Variants in AFAP1 observed in about 807,000 individuals in gnomAD.
AFAP1 encodes the protein actin filament-associated protein 1.
Under a neutral mutation model 93.9 loss-of-function variants are expected in AFAP1, and 75 were observed. The ratio of observed to expected loss-of-function variants is 0.80; its 90% CI spans 0.66 to 0.97. AFAP1 has a LOEUF of 0.97. AFAP1 is among the 50% of genes least tolerant of loss of function. AFAP1 has a pLI of 0.00. For synonymous variants in AFAP1, 517 were observed against 430.7 expected (o/e 1.20, Z -2.48); for missense variants, 1,201 against 1,050.8 (o/e 1.14, Z -1.98).
chr4:7,918,654 G>T (rs1720238879), intron 1 of AFAP1, among the ~76,000 whole-genome samples: 1 of 138,416 alleles, frequency 7.2e-6, no homozygotes. Flanking sequence ...GAGACACTCG[G>T]CCCAGGTCAC....
chr4:7,868,750 G>A, intron 2 of AFAP1, 31 bp from the exon 3 acceptor site: 1 of 1,596,186 alleles, frequency 6.3e-7, no homozygotes, highest in Non-Finnish European at 8.6e-7. Context: ...CACAGAACTG[G>A]ATGAGGATGG....
At chr4:7,852,363 C>A (rs1411778335) in intron 4 of AFAP1, among the ~76,000 whole-genome samples, 1 of 152,172 alleles carries the variant, frequency 6.6e-6, no homozygotes, top group African/African-American at 2.4e-5. Context: ...GCAGAAGCTG[C>A]CACCTGGCCA....
intron 1 of AFAP1, among the ~76,000 whole-genome samples, chr4:7,938,840 G>A (rs1161970299): frequency 2.0e-5 from 3 of 152,108 alleles, no homozygotes; most frequent in Non-Finnish European, 4.4e-5. Flanking sequence ...CAGGAAGCGC[G>A]GCGGTGGGAC....
intron 7 of AFAP1, 28 bp from the exon 8 acceptor site, chr4:7,816,127 CT>C: frequency 6.3e-7 from 1 of 1,583,504 alleles, no homozygotes; most frequent in Non-Finnish European, 8.6e-7. Context: ...TTAAGTTATT[CT>C]TACAGTGGTC....
chr4:7,783,097 T>G (rs1007091330), intron 12 of AFAP1, among the ~76,000 whole-genome samples: 1 of 152,164 alleles, frequency 6.6e-6, no homozygotes, highest in East Asian at 1.9e-4. Context: ...TAAACATTAC[T>G]AAAGCTGAAA....
chr4:7,848,965 G>C (rs1357885524), intron 4 of AFAP1, among the ~76,000 whole-genome samples: 3 of 152,204 alleles, frequency 2.0e-5, no homozygotes, highest in African/African-American at 7.2e-5. Context: ...AGGCACATCA[G>C]AGCCAGCAAC....
rs201350064 is a variant in AFAP1, at chr4:7,772,802, A to G, written c.2253+18T>C. 4 of 1,609,546 alleles carry G rather than the reference A, an allele frequency of 2.5e-6. No individual in the cohort carries two copies. Among genetic ancestry groups the G allele is most frequent in the Non-Finnish European group, 3.4e-6 (4 of 1,177,144 alleles). On this transcript the variant is annotated intron_variant, in intron 16 of 17. Transcript: ENST00000420658. The stretch of plus-strand genomic sequence containing the variant: ...CAAGGCCGCGCCAGCCTCCGAGGTG[A>G]GCCAGAAGGACACACACCTGTGGAC...
intron 1 of AFAP1, among the ~76,000 whole-genome samples, chr4:7,884,330 C>T (rs1718023424): frequency 1.3e-5 from 2 of 152,228 alleles, no homozygotes; most frequent in African/African-American, 4.8e-5. Flanking sequence ...ATAGGCCTAA[C>T]CCGTATATCA....
intron 13 of AFAP1, chr4:7,779,092 C>A: frequency 1.8e-6 from 1 of 558,620 alleles, no homozygotes; most frequent in South Asian, 2.1e-5. Flanking sequence ...GGCAGAGGCT[C>A]TGTAGGATGT....
chr4:7,805,646 C>T (rs568950910), intron 9 of AFAP1, among the ~76,000 whole-genome samples: 4 of 152,250 alleles, frequency 2.6e-5, no homozygotes, highest in Non-Finnish European at 5.9e-5. Context: ...AGCCTGACAT[C>T]CAGAGGTGAA....
intron 1 of AFAP1, among the ~76,000 whole-genome samples, chr4:7,896,114 G>A (rs1718748957): frequency 6.6e-6 from 1 of 152,014 alleles, no homozygotes; most frequent in Non-Finnish European, 1.5e-5. Context: ...GCCCGCCTCG[G>A]CCTCCCAAAC....
chr4:7,895,852 G>T (rs914727105), intron 1 of AFAP1, among the ~76,000 whole-genome samples: 11 of 110,612 alleles, frequency 9.9e-5, no homozygotes, highest in Admixed American at 2.1e-4. Context: ...TCTTCAGAAA[G>T]TTTTTTTTTT....
At chr4:7,839,586 A>G (rs1560191151) in intron 5 of AFAP1, among the ~76,000 whole-genome samples, 1 of 152,172 alleles carries the variant, frequency 6.6e-6, no homozygotes, top group Non-Finnish European at 1.5e-5. Flanking sequence ...GACACAAATT[A>G]TTTTAGTAAG....
intron 12 of AFAP1, among the ~76,000 whole-genome samples, chr4:7,785,479 T>C (rs2148993178): frequency 6.6e-6 from 1 of 152,346 alleles, no homozygotes; most frequent in African/African-American, 2.4e-5. Context: ...TATGTCATCA[T>C]TTCCTTCCTG....
intron 1 of AFAP1, among the ~76,000 whole-genome samples, chr4:7,875,506 C>A (rs922069417): frequency 5.3e-5 from 8 of 152,038 alleles, no homozygotes; most frequent in Admixed American, 2.0e-4. Context: ...GTAATCCCAG[C>A]ACTTTGAGAG....
In AFAP1 at chr4:7,772,031, G is replaced by A. The variant is rs117622095; in HGVS notation, c.2253+789C>T. ...CCCAGGGCTCATGTGGAAGAGCAGC[G>A]GTGGGTTCAACCAGGCTCAGCATTT... is the stretch of plus-strand genomic sequence containing the variant. On this transcript the variant is annotated intron_variant, in intron 16 of 17. Coordinates refer to ENST00000420658, the MANE Select transcript of AFAP1 (RefSeq NM_001134647.2). Among the ~76,000 whole-genome samples, 87 of 152,314 alleles carry A rather than the reference G, an allele frequency of 5.7e-4. 2 individuals are homozygous for A. In the East Asian group the frequency reaches 0.014, roughly 25 times the overall value.
intron 4 of AFAP1, among the ~76,000 whole-genome samples, chr4:7,852,388 T>C (rs1198762813): frequency 6.6e-6 from 1 of 152,188 alleles, no homozygotes; most frequent in East Asian, 1.9e-4. Context: ...GGGCTCCTCG[T>C]GTCAGTAACA....
At position 7,913,036 on chromosome 4, in the gene AFAP1, T is replaced by C. The variant is rs191049043; in HGVS notation, c.-3+26620A>G. ...TTAATTTTTTTAGTTTTTGTAGAGA[T>C]AGGATCTTGTGCCATGTTATCCAGG... On this transcript the variant is annotated intron_variant, in intron 1 of 17. Transcript: ENST00000420658. Among the ~76,000 whole-genome samples, 12 of 152,224 alleles carry C rather than the reference T, an allele frequency of 7.9e-5. No homozygotes were observed. In the East Asian group the frequency reaches 2.1e-3, roughly 27 times the overall value.
intron 1 of AFAP1, among the ~76,000 whole-genome samples, chr4:7,905,632 G>C (rs1234785204): frequency 6.6e-6 from 1 of 152,100 alleles, no homozygotes; most frequent in Admixed American, 6.5e-5. Context: ...TAATGGCTCT[G>C]TTGGCCTTTC....
Sources: gnomAD v4.1 joint callset for allele counts (sites outside exome capture counted in the v4.1 genomes callset) on GRCh38, gnomAD v4.1.1 for gene constraint, MANE v1.5 for transcripts, NCBI Gene and HGNC (gene_info 2026-07-23, HGNC 2026-07-21) for gene names.